LMNA: variants seen among roughly 807,000 people sequenced by gnomAD.
LMNA encodes the protein lamin.
Under a neutral mutation model 70.4 loss-of-function variants are expected in LMNA, and 20 were observed. The observed-to-expected ratio is 0.28, with a 90% CI of 0.20 to 0.41. The LOEUF (loss-of-function observed/expected upper bound fraction) is 0.41. LMNA is among the 10% of genes least tolerant of loss of function. The probability of loss-of-function intolerance (pLI) is 1.00; values close to 1 mark genes in which losing one functional copy is unlikely to be tolerated. For synonymous variants in LMNA, 339 were observed against 372.8 expected (o/e 0.91, Z 1.04); for missense variants, 652 against 917.2 (o/e 0.71, Z 3.73).
upstream of LMNA, chr1:156,114,553 G>C (rs1649665147): frequency 3.4e-6 from 1 of 291,994 alleles, no homozygotes. Context: ...CGCTGGAGAG[G>C]GTGGGGCCCG....
intron 1 of LMNA, among the ~76,000 whole-genome samples, chr1:156,119,729 C>T (rs1412444158): frequency 1.3e-5 from 2 of 152,152 alleles, no homozygotes; most frequent in African/African-American, 4.8e-5. Flanking sequence ...TCAGATGCTG[C>T]CCCCCTCCCT....
At chr1:156,114,560 C>A (rs1385199781), upstream of LMNA, 1 of 296,922 alleles carries the variant, frequency 3.4e-6, no homozygotes, top group Non-Finnish European at 6.2e-6. Flanking sequence ...GAGGGTGGGG[C>A]CCGACTCCGC....
Position 156,138,556 on chromosome 1 carries a change from G to T in LMNA, c.1767G>T (p.Gly589=), listed in dbSNP as rs1572369259. 2 of 1,612,584 alleles carry T rather than the reference G, an allele frequency of 1.2e-6. No homozygotes were observed. Among genetic ancestry groups the T allele is most frequent in the Non-Finnish European group, 1.7e-6 (2 of 1,179,780 alleles). The change falls in exon 11 of 12, where the codon GGG becomes GGT. Residue 589 remains glycine, a synonymous_variant. Coordinates refer to ENST00000368300, the MANE Select transcript of LMNA (RefSeq NM_170707.4). The surrounding 1 kb of genome is among the most constrained non-coding windows in gnomAD (Gnocchi z 5.5). ...YNLRSRTVLC[G]TCGQPADKAS... ...TGCGCTCGCGCACCGTGCTGTGCGG[G>T]ACCTGCGGGCAGCCTGCCGACAAGG...
In LMNA at chr1:156,135,392, G is replaced by T; in HGVS notation, c.936+80G>T. 1 of 1,469,150 alleles carries T rather than the reference G, an allele frequency of 6.8e-7. No individual in the cohort carries two copies. Among genetic ancestry groups the T allele is most frequent in the East Asian group, 2.5e-5 (1 of 39,572 alleles). The allele number at this position is 1,469,150 out of a possible 1,614,324, so 91.0% of individuals were successfully genotyped here. A position where few individuals can be genotyped will look rare whatever the true frequency, so the allele number is the denominator to read the frequency against. On this transcript the variant is annotated intron_variant, in intron 5 of 11. Coordinates refer to ENST00000368300, the MANE Select transcript of LMNA (RefSeq NM_170707.4). The surrounding 1 kb of genome is among the most constrained non-coding windows in gnomAD (Gnocchi z 4.8). Reference sequence around the variant, plus strand: ...GGCTGGAAGCCCAGGGTTGGGGGTGGGGGTGGGGGTGGGAGGTTCCTGAGG... The same window carrying T: ...GGCTGGAAGCCCAGGGTTGGGGGTGTGGGTGGGGGTGGGAGGTTCCTGAGG...
chr1:156,095,129 A>G (rs1572315884), intron 3 of LMNA, among the ~76,000 whole-genome samples: 1 of 152,010 alleles, frequency 6.6e-6, no homozygotes, highest in Non-Finnish European at 1.5e-5. Context: ...TGGTTGCACC[A>G]TGTTGGCCAG....
At position 156,138,230 on chromosome 1, in the gene LMNA, G is replaced by C; in HGVS notation, c.1699-258G>C. ...CTCTCTTCTTTTCCTCTTAAGCTCA[G>C]AGTAGCTAGAACAGAGTCAGAGTCA... On this transcript the variant is annotated intron_variant, in intron 10 of 11. Transcript: ENST00000368300. The surrounding 1 kb of genome is among the most constrained non-coding windows in gnomAD (Gnocchi z 5.5). 1 of 587,330 alleles carries C rather than the reference G, an allele frequency of 1.7e-6. No homozygotes were observed. The highest frequency in any genetic ancestry group is 2.1e-5 in the South Asian group (1 of 47,970). 36.4% of individuals were successfully genotyped at this position (587,330 alleles called of 1,614,324 possible). A position where few individuals can be genotyped will look rare whatever the true frequency, so the allele number is the denominator to read the frequency against.
chr1:156,124,787 A>G (rs2993267), intron 1 of LMNA, among the ~76,000 whole-genome samples: 32,000 of 149,846 alleles, frequency 0.21, 7,019 homozygotes, highest in African/African-American at 0.56. Context: ...CAAAGGTGTG[A>G]GTATGTGTAT....
At position 156,135,805 on chromosome 1, in the gene LMNA, A is replaced by C; in HGVS notation, c.937-96A>C. On this transcript the variant is annotated intron_variant, in intron 5 of 11. Transcript: ENST00000368300. This position sits in a 1 kb window ranked among gnomAD's most constrained non-coding sequence, Gnocchi z 4.8. ...GGGAAGCTCTGATTGCAGATCCTGGAGAGAGTAGCCAGGTGTCTCCTACAC... is the reference window on the plus strand; with the variant it reads ...GGGAAGCTCTGATTGCAGATCCTGGCGAGAGTAGCCAGGTGTCTCCTACAC... 4.1e-6 allele frequency: 4 copies of C among 981,812 alleles called. No homozygotes were observed. The highest frequency in any genetic ancestry group is 6.3e-6 in the Non-Finnish European group (4 of 637,728). The allele number at this position is 981,812 out of a possible 1,614,324, so 60.8% of individuals were successfully genotyped here.
chr1:156,127,828 G>A (rs1650727852), intron 1 of LMNA, among the ~76,000 whole-genome samples: 2 of 151,844 alleles, frequency 1.3e-5, no homozygotes, highest in South Asian at 4.2e-4. Flanking sequence ...CTGGGACTAT[G>A]GACGTGCACC....
Position 156,134,380 on chromosome 1 carries a change from C to T in LMNA, c.514-23C>T. On this transcript the variant is annotated intron_variant, in intron 2 of 11. Transcript: ENST00000368300. The surrounding 1 kb of genome is among the most constrained non-coding windows in gnomAD (Gnocchi z 5.3). The stretch of plus-strand genomic sequence containing the variant: ...CTTGTGTTCTGTGACCCCTTTTCCT[C>T]ATCTCTGCCTGCTTCCTCACAGCTT... 6.8e-6 allele frequency: 11 copies of T among 1,613,710 alleles called. No individual in the cohort carries two copies. The highest frequency in any genetic ancestry group is 8.5e-6 in the Non-Finnish European group (10 of 1,179,878).
In LMNA at chr1:156,135,278, G is replaced by A. The variant is rs546272425; in HGVS notation, c.902G>A (p.Ser301Asn). 3 of 1,613,440 alleles carry A rather than the reference G, an allele frequency of 1.9e-6. No homozygotes were observed. Among genetic ancestry groups the A allele is most frequent in the Non-Finnish European group, 2.5e-6 (3 of 1,179,880 alleles). Residue 301 changes from serine to asparagine, a missense_variant, in exon 5 of 12, where the codon AGC (serine) becomes AAC (asparagine). Physicochemically the swap from Ser to Asn is conservative, Grantham distance 46. Transcript: ENST00000368300. The surrounding 1 kb of genome is among the most constrained non-coding windows in gnomAD (Gnocchi z 4.8). Reference sequence around the variant, plus strand: ...CAGCAGTCGCGCATCCGCATCGACAGCCTCTCTGCCCAGCTCAGCCAGCTC... The same window carrying A: ...CAGCAGTCGCGCATCCGCATCGACAACCTCTCTGCCCAGCTCAGCCAGCTC... ...ELQQSRIRID[S>N]LSAQLSQLQK...
chr1:156,135,745 T>G lies in LMNA; in HGVS notation c.937-156T>G. 1.5e-6 allele frequency: 1 copy of G among 660,432 alleles called. No individual in the cohort carries two copies. The highest frequency in any genetic ancestry group is 1.8e-5 in the South Asian group (1 of 56,730). 40.9% of individuals were successfully genotyped at this position (660,432 alleles called of 1,614,324 possible). ...GCCAGCCAAGACTATGTTTAGAGCT[T>G]GTGATGTTCAGAGCTGGCTCTGATG... On this transcript the variant is annotated intron_variant, in intron 5 of 11. Transcript: ENST00000368300. The surrounding 1 kb of genome is among the most constrained non-coding windows in gnomAD (Gnocchi z 4.8).
In LMNA at chr1:156,138,890, C is replaced by G. The variant is rs1651893068; in HGVS notation, c.1968+133C>G. On this transcript the variant is annotated intron_variant, in intron 11 of 11. Coordinates refer to ENST00000368300, the MANE Select transcript of LMNA (RefSeq NM_170707.4). The surrounding 1 kb of genome is among the most constrained non-coding windows in gnomAD (Gnocchi z 5.5). ...CCCGGGGGAGTGGGAGCCTCCTCCC[C>G]ACAGCCTGAGTCCTAGACAGCCCAC... is the stretch of plus-strand genomic sequence containing the variant. 4 of 1,360,728 alleles carry G rather than the reference C, an allele frequency of 2.9e-6. No individual in the cohort carries two copies. The highest frequency in any genetic ancestry group is 3.1e-6 in the Non-Finnish European group (3 of 967,380). The allele number at this position is 1,360,728 out of a possible 1,614,324, so 84.3% of individuals were successfully genotyped here. A position where few individuals can be genotyped will look rare whatever the true frequency, so the allele number is the denominator to read the frequency against.
At chr1:156,130,206 A>G (rs1301913877) in intron 1 of LMNA, among the ~76,000 whole-genome samples, 2 of 152,076 alleles carry the variant, frequency 1.3e-5, no homozygotes, top group African/African-American at 2.4e-5. Flanking sequence ...GAGGGAGGGA[A>G]GCTTGGCCAA....
intron 2 of LMNA, among the ~76,000 whole-genome samples, chr1:156,086,700 C>T (rs370223273): frequency 1.3e-5 from 2 of 152,180 alleles, no homozygotes; most frequent in African/African-American, 4.8e-5. Context: ...AGTGCAGTGG[C>T]ACGATCTTGG....
chr1:156,093,666 C>T (rs1327164179), intron 3 of LMNA: 1 of 152,206 alleles, frequency 6.6e-6, no homozygotes, highest in African/African-American at 2.4e-5. Flanking sequence ...TACAATTCAT[C>T]ATGCTCTATT....
At position 156,135,991 on chromosome 1, in the gene LMNA, C is replaced by T. The variant is rs749784223; in HGVS notation, c.1027C>T (p.Arg343Trp). ...TSRRLLAEKE[R>W]EMAEMRARMQ... ...CCGGCGGCTGCTGGCGGAAAAGGAG[C>T]GGGAGATGGCCGAGATGCGGGCAAG... The change falls in exon 6 of 12, where the codon CGG becomes TGG. Residue 343 changes from arginine (R) to tryptophan (W), a missense_variant. By Grantham distance (101) the Arg-to-Trp change is moderately radical. Around this residue, in one of 4 missense-constraint regions of LMNA, gnomAD observed 33 missense variants for 75.3 expected, o/e 0.44. Coordinates refer to ENST00000368300, the MANE Select transcript of LMNA (RefSeq NM_170707.4). This position sits in a 1 kb window ranked among gnomAD's most constrained non-coding sequence, Gnocchi z 4.8. The T allele has an allele frequency of 2.0e-5, 33 of 1,614,100 alleles. No homozygotes were observed. Among genetic ancestry groups the T allele is most frequent in the Non-Finnish European group, 2.6e-5 (31 of 1,180,034 alleles).
chr1:156,135,733 A>G lies in LMNA; in HGVS notation c.937-168A>G, dbSNP rs1242222308. The G allele has an allele frequency of 1.6e-6, 1 of 635,914 alleles. No homozygotes were observed. Among genetic ancestry groups the G allele is most frequent in the African/African-American group, 1.8e-5 (1 of 54,686 alleles). 39.4% of individuals were successfully genotyped at this position (635,914 alleles called of 1,614,324 possible). On this transcript the variant is annotated intron_variant, in intron 5 of 11. Coordinates refer to ENST00000368300, the MANE Select transcript of LMNA (RefSeq NM_170707.4). This position sits in a 1 kb window ranked among gnomAD's most constrained non-coding sequence, Gnocchi z 4.8. ...GACTTCCCAGTTGCCAGCCAAGACT[A>G]TGTTTAGAGCTTGTGATGTTCAGAG...
chr1:156,132,194 G>C (rs1399911390), intron 2 of LMNA, among the ~76,000 whole-genome samples: 1 of 151,946 alleles, frequency 6.6e-6, no homozygotes, highest in Non-Finnish European at 1.5e-5. Context: ...AAATAGCCAG[G>C]CACGGTGGCT....
Sources: gnomAD v4.1 joint callset for allele counts (sites outside exome capture counted in the v4.1 genomes callset) on GRCh38, gnomAD v4.1.1 for gene constraint, gnomAD v4.1.1 regional missense constraint, Gnocchi (gnomAD v3.1) non-coding constraint, MANE v1.5 for transcripts, NCBI Gene and HGNC (gene_info 2026-07-23, HGNC 2026-07-21) for gene names.